Variants in ULK4 observed in about 807,000 individuals in gnomAD.
The protein encoded by ULK4 is inactive serine/threonine-protein kinase ULK4.
ULK4 carries 133 observed loss-of-function variants against 160.6 expected under a neutral mutation model. The ratio of observed to expected loss-of-function variants is 0.83; its 90% CI spans 0.72 to 0.96. ULK4 has a LOEUF of 0.96. Among genes scored for constraint, ULK4 ranks in the 40% least tolerant of loss-of-function variants. The pLI is 0.00. For synonymous variants in ULK4, 534 were observed against 539.8 expected (o/e 0.99, Z 0.15); for missense variants, 1,580 against 1,499.5 (o/e 1.05, Z -0.89).
At chr3:41,483,988 G>T (rs1292021299) in intron 32 of ULK4, among the ~76,000 whole-genome samples, 6 of 152,196 alleles carry the variant, frequency 3.9e-5, no homozygotes, top group Admixed American at 3.9e-4. Context: ...ATGATGCCCT[G>T]ACAATACCTT....
chr3:41,666,488 A>G (rs1457365314), intron 29 of ULK4, among the ~76,000 whole-genome samples: 1 of 152,196 alleles, frequency 6.6e-6, no homozygotes, highest in Non-Finnish European at 1.5e-5. Flanking sequence ...CACTGTCATT[A>G]AAGTCAGAAA....
chr3:41,721,681 T>G (rs988091105), intron 22 of ULK4, among the ~76,000 whole-genome samples: 1 of 151,852 alleles, frequency 6.6e-6, no homozygotes, highest in Non-Finnish European at 1.5e-5. Context: ...TTTTAAACAT[T>G]AAGTAATATT....
At chr3:41,572,819 C>T (rs1021934803) in intron 31 of ULK4, among the ~76,000 whole-genome samples, 1 of 149,364 alleles carries the variant, frequency 6.7e-6, no homozygotes, top group Non-Finnish European at 1.5e-5. Flanking sequence ...GGGTATTAGA[C>T]AATTACAGGA....
intron 32 of ULK4, among the ~76,000 whole-genome samples, chr3:41,542,228 G>C (rs1397538979): frequency 6.6e-6 from 1 of 152,132 alleles, no homozygotes; most frequent in East Asian, 1.9e-4. Flanking sequence ...TAGCATGAAG[G>C]GCTGTTGAAT....
intron 35 of ULK4, among the ~76,000 whole-genome samples, chr3:41,358,975 T>A (rs1230024816): frequency 6.6e-6 from 1 of 152,088 alleles, no homozygotes; most frequent in Non-Finnish European, 1.5e-5. Context: ...ATTCTTCACA[T>A]ACGTTGAAAG....
chr3:41,381,098 G>A (rs752826367), intron 35 of ULK4, among the ~76,000 whole-genome samples: 6 of 152,096 alleles, frequency 3.9e-5, no homozygotes, highest in Non-Finnish European at 8.8e-5. Flanking sequence ...TTATCTGTGG[G>A]TTATCAGGTC....
chr3:41,763,853 C>T (rs2039072600), intron 21 of ULK4, among the ~76,000 whole-genome samples: 1 of 152,184 alleles, frequency 6.6e-6, no homozygotes, highest in Admixed American at 6.5e-5. Flanking sequence ...ACAGCCTCAC[C>T]AACATTTATT....
intron 34 of ULK4, among the ~76,000 whole-genome samples, chr3:41,438,059 C>T (rs948410457): frequency 3.7e-5 from 5 of 134,550 alleles, no homozygotes; most frequent in African/African-American, 5.7e-5. Flanking sequence ...ATTTTCCAAA[C>T]GAAAATAACT....
chr3:41,282,680 C>G (rs916429690), intron 35 of ULK4, among the ~76,000 whole-genome samples: 1 of 152,190 alleles, frequency 6.6e-6, no homozygotes, highest in Non-Finnish European at 1.5e-5. Context: ...AATGCAAGAA[C>G]TAAAACCATA....
At chr3:41,574,957 G>A (rs1216107399) in intron 31 of ULK4, among the ~76,000 whole-genome samples, 10 of 152,164 alleles carry the variant, frequency 6.6e-5, no homozygotes. Flanking sequence ...CCAAGGTCAT[G>A]GCTACCACAG....
intron 31 of ULK4, among the ~76,000 whole-genome samples, chr3:41,573,788 G>C (rs1458973495): frequency 6.6e-6 from 1 of 152,218 alleles, no homozygotes; most frequent in Non-Finnish European, 1.5e-5. Flanking sequence ...CCAAAGTGCT[G>C]CTCCAGGATG....
At chr3:41,497,982 C>T (rs2085051491) in intron 32 of ULK4, among the ~76,000 whole-genome samples, 1 of 152,060 alleles carries the variant, frequency 6.6e-6, no homozygotes. Flanking sequence ...CTCTCAGAGA[C>T]AGAAACATTG....
intron 29 of ULK4, among the ~76,000 whole-genome samples, chr3:41,677,537 T>C (rs2035766545): frequency 6.6e-6 from 1 of 151,014 alleles, no homozygotes; most frequent in South Asian, 2.1e-4. Context: ...TTCACCATGT[T>C]AGCCAGGATG....
Position 41,470,018 on chromosome 3 carries a change from G to GAAAAAAA in ULK4, c.3227-6772_3227-6766dup, listed in dbSNP as rs71094650. ...GAGGAATTCAAGAAGAAACAGAACA[G>GAAAAAAA]AAAAAAAAAAAAAAAAAAAAAAAAA... On this transcript the variant is annotated intron_variant, in intron 32 of 36. Transcript: ENST00000301831. Among the ~76,000 whole-genome samples the GAAAAAAA allele has an allele frequency of 2.8e-3, 129 of 45,970 alleles. 10 individuals carry two copies. The highest frequency in any genetic ancestry group is 9.1e-3 in the East Asian group (10 of 1,102). The allele number at this position is 45,970 out of a possible 152,430, so 30.2% of individuals were successfully genotyped here. A position where few individuals can be genotyped will look rare whatever the true frequency, so the allele number is the denominator to read the frequency against.
intron 31 of ULK4, among the ~76,000 whole-genome samples, chr3:41,587,998 G>A (rs2030960219): frequency 6.6e-6 from 1 of 152,114 alleles, no homozygotes; most frequent in Non-Finnish European, 1.5e-5. Context: ...CTTAAGTCAG[G>A]AGCACTAATT....
At chr3:41,766,208 C>A (rs2039156909) in intron 21 of ULK4, among the ~76,000 whole-genome samples, 2 of 130,464 alleles carry the variant, frequency 1.5e-5, no homozygotes, top group Non-Finnish European at 3.5e-5. Flanking sequence ...GCAGAGGTTG[C>A]AGTAAGCCAA....
At chr3:41,906,750 T>G (rs1469247953) in intron 12 of ULK4, among the ~76,000 whole-genome samples, 1 of 152,128 alleles carries the variant, frequency 6.6e-6, no homozygotes, top group Non-Finnish European at 1.5e-5. Flanking sequence ...ATCCCAGCAC[T>G]ATGGGAGGCC....
chr3:41,661,508 GATGATAGATAGATAGATAGATAA>G (rs2035162397), intron 30 of ULK4, among the ~76,000 whole-genome samples: 1 of 112,138 alleles, frequency 8.9e-6, no homozygotes, highest in African/African-American at 8.5e-5. Context: ...TAGATAGATA[GATGATAGATAGATAGATAGATAA>G]ATAGATAGAT....
chr3:41,551,401 GGAA>G (rs1324361490), intron 32 of ULK4, among the ~76,000 whole-genome samples: 5 of 116,850 alleles, frequency 4.3e-5, no homozygotes, highest in Non-Finnish European at 9.6e-5. Flanking sequence ...AAGAAAAAAA[GGAA>G]GAAGATCCAA....
Sources: gnomAD v4.1 joint callset for allele counts (sites outside exome capture counted in the v4.1 genomes callset) on GRCh38, gnomAD v4.1.1 for gene constraint, MANE v1.5 for transcripts, NCBI Gene and HGNC (gene_info 2026-07-23, HGNC 2026-07-21) for gene names.